Variants in CDKAL1 observed in about 807,000 individuals in gnomAD.
CDKAL1 encodes the protein CDKAL1 threonylcarbamoyladenosine tRNA methylthiotransferase.
CDKAL1 carries 32 observed loss-of-function variants against 68.2 expected under a neutral mutation model. The ratio of observed to expected loss-of-function variants is 0.47; its 90% confidence interval spans 0.35 to 0.63. The LOEUF (loss-of-function observed/expected upper bound fraction) is 0.63, where lower values mean the gene tolerates loss of function less well. CDKAL1 is among the 30% of genes least tolerant of loss of function. The probability of loss-of-function intolerance (pLI) is 0.00; values close to 1 mark genes in which losing one functional copy is unlikely to be tolerated. For missense variants in CDKAL1, 606 were observed against 696.7 expected, an observed-to-expected ratio of 0.87 and a Z score of 1.47; for synonymous variants, 234 against 244.3, an observed-to-expected ratio of 0.96 and a Z score of 0.39.
chr6:20,737,956 G>A (rs754291123), intron 5 of CDKAL1, among the ~76,000 whole-genome samples: 2 of 152,136 alleles, frequency 1.3e-5, no homozygotes, highest in Non-Finnish European at 2.9e-5. Context: ...CCAATTTTTT[G>A]TTGGCATCTA....
At chr6:20,886,266 C>G (rs1022616029) in intron 9 of CDKAL1, among the ~76,000 whole-genome samples, 1 of 152,072 alleles carries the variant, frequency 6.6e-6, no homozygotes, top group African/African-American at 2.4e-5. Context: ...GAAATTGGTC[C>G]TCATACATTG....
chr6:20,915,267 G>A (rs1762671211), intron 9 of CDKAL1, among the ~76,000 whole-genome samples: 1 of 151,880 alleles, frequency 6.6e-6, no homozygotes, highest in Non-Finnish European at 1.5e-5. Flanking sequence ...GAGATCTTCA[G>A]AGCAACAGAA....
chr6:20,672,293 T>TCC (rs765215182), intron 5 of CDKAL1, among the ~76,000 whole-genome samples: 4 of 147,274 alleles, frequency 2.7e-5, no homozygotes, highest in South Asian at 2.1e-4. Context: ...TCTCTCTCTC[T>TCC]CTCTCCCTCT....
At chr6:20,848,357 T>A (rs1435837934) in intron 9 of CDKAL1, among the ~76,000 whole-genome samples, 1 of 151,488 alleles carries the variant, frequency 6.6e-6, no homozygotes, top group Non-Finnish European at 1.5e-5. Flanking sequence ...GACCCTGTTC[T>A]CCTGCCTCAG....
chr6:20,986,102 G>C (rs1040079234), intron 10 of CDKAL1, among the ~76,000 whole-genome samples: 3 of 152,040 alleles, frequency 2.0e-5, no homozygotes, highest in African/African-American at 7.2e-5. Flanking sequence ...TCTCTCTCCT[G>C]TTATGCTAAT....
chr6:20,930,688 A>G (rs907328231), intron 9 of CDKAL1, among the ~76,000 whole-genome samples: 3 of 151,778 alleles, frequency 2.0e-5, no homozygotes, highest in African/African-American at 7.3e-5. Flanking sequence ...GGAAGTGTTT[A>G]TATGGATTAT....
intron 11 of CDKAL1, among the ~76,000 whole-genome samples, chr6:21,052,733 G>T (rs996998396): frequency 6.6e-6 from 1 of 151,880 alleles, no homozygotes; most frequent in African/African-American, 2.4e-5. Context: ...AGACTTCTTG[G>T]CCGGGTGCAG....
chr6:20,599,628 A>G (rs1765995437), intron 4 of CDKAL1, among the ~76,000 whole-genome samples: 1 of 152,184 alleles, frequency 6.6e-6, no homozygotes, highest in Admixed American at 6.5e-5. Context: ...TGGATATGAA[A>G]GTTTACAGTG....
intron 2 of CDKAL1, among the ~76,000 whole-genome samples, chr6:20,541,877 C>T (rs1763402683): frequency 6.6e-6 from 1 of 152,240 alleles, no homozygotes; most frequent in Admixed American, 6.5e-5. Context: ...TCAGGCTGGT[C>T]ATGAACTCCC....
At chr6:20,903,247 C>G (rs545654057) in intron 9 of CDKAL1, among the ~76,000 whole-genome samples, 1 of 152,238 alleles carries the variant, frequency 6.6e-6, no homozygotes, top group African/African-American at 2.4e-5. Context: ...ATCTTAATTT[C>G]TGTTTCAAAG....
chr6:21,069,289 A>C (rs892835465), intron 12 of CDKAL1, among the ~76,000 whole-genome samples: 1 of 152,276 alleles, frequency 6.6e-6, no homozygotes, highest in Admixed American at 6.5e-5. Context: ...AGTTAGCTGT[A>C]GCTTTGGAAT....
rs115320381 is a variant in CDKAL1, at chr6:20,711,173, C to T, written c.372-28346C>T. On this transcript the variant is annotated intron_variant, in intron 5 of 15. Transcript: ENST00000274695. ...GTTGTGAGATAGATATCAGTTCTGT[C>T]CTCGGTGTATACAGTGATTGTAGAG... Among the ~76,000 whole-genome samples the T allele has an allele frequency of 7.3e-3, 1,110 of 152,142 alleles. 10 individuals carry two copies. Among genetic ancestry groups the T allele is most frequent in the Non-Finnish European group, 0.012 (814 of 67,986 alleles).
At chr6:20,803,495 A>G (rs886091417) in intron 8 of CDKAL1, among the ~76,000 whole-genome samples, 10 of 152,154 alleles carry the variant, frequency 6.6e-5, no homozygotes, top group African/African-American at 2.2e-4. Context: ...ATCATAATAT[A>G]TTCTCAGAAG....
intron 9 of CDKAL1, among the ~76,000 whole-genome samples, chr6:20,902,430 G>C (rs753619492): frequency 1.3e-5 from 2 of 151,972 alleles, no homozygotes; most frequent in African/African-American, 2.4e-5. Flanking sequence ...GACATTAATA[G>C]TTCCCAGGTT....
intron 6 of CDKAL1, among the ~76,000 whole-genome samples, chr6:20,754,688 A>G (rs775539443): frequency 2.0e-5 from 3 of 152,208 alleles, no homozygotes; most frequent in Non-Finnish European, 4.4e-5. Context: ...TAAATTCTAG[A>G]TATAAGTTCC....
chr6:20,991,435 C>T (rs201345), intron 10 of CDKAL1, among the ~76,000 whole-genome samples: 13,454 of 151,836 alleles, frequency 0.089, 728 homozygotes, highest in Middle Eastern at 0.17. Context: ...TGCCTGGGCA[C>T]GGTGGCTAAT....
At chr6:21,179,615 G>A (rs972593343) in intron 13 of CDKAL1, among the ~76,000 whole-genome samples, 2 of 152,096 alleles carry the variant, frequency 1.3e-5, no homozygotes, top group Non-Finnish European at 2.9e-5. Flanking sequence ...AAAGTTTTGA[G>A]GATTGAATAT....
chr6:20,995,391 C>G (rs1767049493), intron 10 of CDKAL1, among the ~76,000 whole-genome samples: 1 of 152,156 alleles, frequency 6.6e-6, no homozygotes, highest in Non-Finnish European at 1.5e-5. Context: ...GCAGTTATAG[C>G]CTTACAAAAA....
intron 13 of CDKAL1, among the ~76,000 whole-genome samples, chr6:21,147,116 A>C (rs1252660383): frequency 2.0e-5 from 3 of 152,188 alleles, no homozygotes; most frequent in African/African-American, 7.2e-5. Context: ...CCTACGGTCC[A>C]ACAGGTAGTC....
Sources: allele counts gnomAD v4.1 joint callset (sites outside exome capture counted in the v4.1 genomes callset), GRCh38; gene constraint gnomAD v4.1.1; transcripts MANE v1.5; gene names NCBI Gene and HGNC (gene_info 2026-07-23, HGNC 2026-07-21).